KLHL25: variants seen among roughly 807,000 people sequenced by gnomAD.
KLHL25 encodes the protein kelch like family member 25.
In KLHL25, 41 loss-of-function variants were observed where a neutral mutation model predicts 30.0. The ratio of observed to expected loss-of-function variants is 1.37; its 90% CI spans 1.07 to 1.78. KLHL25 has a LOEUF of 1.78. Ranked by LOEUF, KLHL25 falls within the 40% of genes most tolerant of loss-of-function variation. The pLI is 0.00. For synonymous variants in KLHL25, 399 were observed against 355.3 expected (o/e 1.12, Z -1.38); for missense variants, 971 against 824.5 (o/e 1.18, Z -2.18).
At chr15:85,784,963 G>C (rs945648742) in intron 1 of KLHL25, among the ~76,000 whole-genome samples, 15 of 152,132 alleles carry the variant, frequency 9.9e-5, no homozygotes, top group African/African-American at 3.6e-4. Context: ...CTGGCCTCTA[G>C]TCATAATGTA....
chr15:85,770,872 A>C (rs1430145582), intron 1 of KLHL25: 1 of 326,144 alleles, frequency 3.1e-6, no homozygotes, highest in Non-Finnish European at 6.0e-6. Flanking sequence ...TGCTCAATCT[A>C]GGGGAATTCT....
At position 85,769,206 on chromosome 15, in the gene KLHL25, A is replaced by T; in HGVS notation, c.605T>A (p.Leu202Gln). The T allele has an allele frequency of 6.2e-7, 1 of 1,613,670 alleles. No homozygotes were observed. Among genetic ancestry groups the T allele is most frequent in the Non-Finnish European group, 8.5e-7 (1 of 1,180,006 alleles). Residue 202 changes from leucine to glutamine, a missense_variant, in exon 2 of 3, where the codon CTG (leucine) becomes CAG (glutamine). By Grantham distance (113) the Leu-to-Gln change is moderately radical. Coordinates refer to ENST00000337975, the MANE Select transcript of KLHL25 (RefSeq NM_022480.4). Reference protein sequence around the residue: ...TLLDLISSDELETEDERVVFE... With the variant: ...TLLDLISSDEQETEDERVVFE... ...GACCACCCGCTCGTCCTCGGTCTCC[A>T]GCTCATCACTCGAGATGAGGTCCAG...
intron 1 of KLHL25, chr15:85,770,572 G>T: frequency 1.9e-6 from 1 of 533,036 alleles, no homozygotes. Context: ...TCTTTACCTA[G>T]CTGGGGCAAG....
chr15:85,761,941 G>C (rs544038785), intron 2 of KLHL25: 1 of 152,396 alleles, frequency 6.6e-6, no homozygotes, highest in South Asian at 2.1e-4. Flanking sequence ...AGTAACCTTA[G>C]TTACATTTCA....
intron 1 of KLHL25, among the ~76,000 whole-genome samples, chr15:85,783,831 T>C (rs1430076990): frequency 6.6e-6 from 1 of 152,158 alleles, no homozygotes; most frequent in East Asian, 1.9e-4. Context: ...GAAGGTTAGA[T>C]GCTAAGAGTC....
At position 85,773,197 on chromosome 15, in the gene KLHL25, C is replaced by T. The variant is rs1400486156; in HGVS notation, c.-10-3377G>A. On this transcript the variant is annotated intron_variant, in intron 1 of 2. Transcript: ENST00000337975. ...GGGCTCACTGATGTGACCTCAACAC[C>T]CAGGACAGATCCCGGCACAGAGGTC... Among the ~76,000 whole-genome samples the T allele has an allele frequency of 2.0e-5, 3 of 152,224 alleles. No homozygotes were observed. The East Asian group carries it at 5.8e-4, about 29-fold the overall frequency.
intron 2 of KLHL25, chr15:85,761,359 G>GT (rs71141483): frequency 0.14 from 21,329 of 152,356 alleles, 1,524 homozygotes; most frequent in South Asian, 0.21. Context: ...GGTGACCGGC[G>GT]TGAGAGCCGT....
intron 1 of KLHL25, among the ~76,000 whole-genome samples, chr15:85,777,250 C>G (rs770503337): frequency 6.6e-6 from 1 of 152,250 alleles, no homozygotes; most frequent in African/African-American, 2.4e-5. Flanking sequence ...TAGCTCCCAG[C>G]CAATGCTCAC....
At position 85,769,725 on chromosome 15, in the gene KLHL25, G is replaced by A. The variant is rs550387434; in HGVS notation, c.86C>T (p.Pro29Leu). The A allele has an allele frequency of 3.0e-5, 48 of 1,613,916 alleles. 1 individual carries two copies. Among genetic ancestry groups the A allele is most frequent in the Middle Eastern group, 1.6e-4 (1 of 6,062 alleles). ...GTTGAGGTGGGCCAGCACACAGTCC[G>A]GGTGGGAGGCCTTGTGGAAGAGGGT... ...NVTLFHKASH[P>L]DCVLAHLNTL... Residue 29 changes from proline (P) to leucine (L), a missense_variant, in exon 2 of 3, where the codon CCG becomes CTG. Coordinates refer to ENST00000337975, the MANE Select transcript of KLHL25 (RefSeq NM_022480.4).
chr15:85,774,880 C>CTTT (rs71141486), intron 1 of KLHL25, among the ~76,000 whole-genome samples: 7 of 140,450 alleles, frequency 5.0e-5, no homozygotes, highest in Non-Finnish European at 7.7e-5. Context: ...TTTTTCTTTT[C>CTTT]TTTTTTTTTT....
At chr15:85,763,140 AAGAT>A (rs1404758107) in intron 2 of KLHL25, 6 of 152,506 alleles carry the variant, frequency 3.9e-5, no homozygotes, top group Non-Finnish European at 8.8e-5. Flanking sequence ...TGTTCACAGC[AAGAT>A]CACCCTTAGT....
In KLHL25 at chr15:85,794,897, G is replaced by C. The variant is rs1169148755; in HGVS notation, c.-142C>G. 1 of 152,394 alleles carries C rather than the reference G, an allele frequency of 6.6e-6. No individual in the cohort carries two copies. Among genetic ancestry groups the C allele is most frequent in the East Asian group, 1.9e-4 (1 of 5,194 alleles). The allele number at this position is 152,394 out of a possible 1,614,324, so 9.4% of individuals were successfully genotyped here. On this transcript the variant is annotated 5_prime_UTR_variant, in exon 1 of 3. Transcript: ENST00000337975. ...GCAAAAACGCTCTCGCTGCGATACA[G>C]CCTAGGCGCCGCCAACAAACTAGTT...
intron 2 of KLHL25, among the ~76,000 whole-genome samples, chr15:85,767,138 G>A (rs1189307632): frequency 6.6e-6 from 1 of 152,046 alleles, no homozygotes; most frequent in Non-Finnish European, 1.5e-5. Flanking sequence ...TTACAGGTGT[G>A]CACCACCATG....
Position 85,760,312 on chromosome 15 carries a change from G to GCT in KLHL25, c.*722_*723dup, listed in dbSNP as rs2089573015. On this transcript the variant is annotated 3_prime_UTR_variant, in exon 3 of 3. Transcript: ENST00000337975. ...CCAGGGCACTCGGAGCCTTGAGTCT[G>GCT]CTGCAGGCCCAGCTCCACTGAGTGG... is the stretch of plus-strand genomic sequence containing the variant. The GCT allele has an allele frequency of 6.6e-6, 1 of 152,254 alleles. No homozygotes were observed. Among genetic ancestry groups the GCT allele is most frequent in the African/African-American group, 2.4e-5 (1 of 41,440 alleles). The allele number at this position is 152,254 out of a possible 1,614,324, so 9.4% of individuals were successfully genotyped here.
At chr15:85,775,822 G>C (rs528504916) in intron 1 of KLHL25, among the ~76,000 whole-genome samples, 1 of 146,304 alleles carries the variant, frequency 6.8e-6, no homozygotes, top group African/African-American at 2.5e-5. Flanking sequence ...GCAACCATGT[G>C]TGAGGGCGCC....
chr15:85,790,485 T>C (rs1216742492), intron 1 of KLHL25, among the ~76,000 whole-genome samples: 1 of 152,220 alleles, frequency 6.6e-6, no homozygotes, highest in Non-Finnish European at 1.5e-5. Flanking sequence ...CTTATAAAAC[T>C]GCTGAACACC....
rs1162338294 is a variant in KLHL25 at position 85,768,291 on chromosome 15, G to A, written c.1520C>T (p.Ser507Leu). Residue 507 changes from serine (S) to leucine (L), a missense_variant, in exon 2 of 3, where the codon TCG (serine) becomes TTG (leucine). Ser to Leu is a moderately radical substitution (Grantham distance 145). Coordinates refer to ENST00000337975, the MANE Select transcript of KLHL25 (RefSeq NM_022480.4). ...MGGDTEFTAA[S>L]AYRFDCETNQ... ...GGTCTCACAGTCAAAGCGGTAGGCCGAGGCGGCTGTGAATTCCGTGTCACC... is the reference window on the plus strand; with the variant it reads ...GGTCTCACAGTCAAAGCGGTAGGCCAAGGCGGCTGTGAATTCCGTGTCACC... The A allele has an allele frequency of 8.7e-6, 14 of 1,613,962 alleles. No homozygotes were observed. Among genetic ancestry groups the A allele is most frequent in the Non-Finnish European group, 1.1e-5 (13 of 1,180,052 alleles).
At chr15:85,780,092 G>C (rs2089734061) in intron 1 of KLHL25, among the ~76,000 whole-genome samples, 1 of 152,194 alleles carries the variant, frequency 6.6e-6, no homozygotes, top group Non-Finnish European at 1.5e-5. Flanking sequence ...AAGGCAGATG[G>C]AAGGTGCCGC....
At chr15:85,791,308 C>T (rs558983416) in intron 1 of KLHL25, among the ~76,000 whole-genome samples, 2 of 151,862 alleles carry the variant, frequency 1.3e-5, no homozygotes, top group African/African-American at 4.8e-5. Flanking sequence ...CCAGCCTGGA[C>T]AACATGGAGA....
Sources: gnomAD v4.1 joint callset for allele counts (sites outside exome capture counted in the v4.1 genomes callset) on GRCh38, gnomAD v4.1.1 for gene constraint, MANE v1.5 for transcripts, NCBI Gene and HGNC (gene_info 2026-07-23, HGNC 2026-07-21) for gene names.